The following CNTN5 variants were observed in gnomAD, a reference collection of about 807,000 sequenced individuals.
CNTN5 encodes contactin-5.
CNTN5 carries 77 observed loss-of-function variants against 129.1 expected under a neutral mutation model. The observed-to-expected ratio is 0.60, with a 90% CI of 0.50 to 0.72. The LOEUF (loss-of-function observed/expected upper bound fraction) is 0.72. CNTN5 is among the 30% of genes least tolerant of loss of function. The probability of loss-of-function intolerance (pLI) is 0.00; values close to 1 mark genes in which losing one functional copy is unlikely to be tolerated. For synonymous variants in CNTN5, 509 were observed against 465.6 expected (o/e 1.09, Z -1.20); for missense variants, 1,478 against 1,328.8 (o/e 1.11, Z -1.75).
At chr11:99,228,820 C>A (rs752177658) in intron 1 of CNTN5, among the ~76,000 whole-genome samples, 1 of 151,796 alleles carries the variant, frequency 6.6e-6, no homozygotes, top group East Asian at 1.9e-4. Flanking sequence ...TACATTAACT[C>A]TTTCTCACAT....
chr11:99,263,572 A>C (rs974205818), intron 1 of CNTN5, among the ~76,000 whole-genome samples: 1 of 152,164 alleles, frequency 6.6e-6, no homozygotes, highest in Non-Finnish European at 1.5e-5. Context: ...AGTTGGTTCA[A>C]AATTCTTGCT....
rs142310735 is a variant in CNTN5 at position 99,398,059 on chromosome 11, C to T, written c.-71+72575C>T. On this transcript the variant is annotated intron_variant, in intron 2 of 24. Coordinates refer to ENST00000524871, the MANE Select transcript of CNTN5 (RefSeq NM_014361.4). ...TATCACATTGATATTCTACAACCTC[C>T]CATTCCAACAGTGAGACACCTGGCT... is the stretch of plus-strand genomic sequence containing the variant. 1.4e-3 allele frequency among the ~76,000 whole-genome samples: 215 copies of T among 151,946 alleles called. 6 individuals carry two copies. In the East Asian group the frequency reaches 0.033, roughly 23 times the overall value.
chr11:100,078,341 T>C (rs1457305809), intron 13 of CNTN5, among the ~76,000 whole-genome samples: 1 of 152,170 alleles, frequency 6.6e-6, no homozygotes, highest in East Asian at 1.9e-4. Context: ...GCTGCCTGCT[T>C]ATATATTACC....
At chr11:99,063,563 T>C (rs1864976706) in intron 1 of CNTN5, among the ~76,000 whole-genome samples, 1 of 151,848 alleles carries the variant, frequency 6.6e-6, no homozygotes, top group African/African-American at 2.4e-5. Flanking sequence ...CGCATGAGCA[T>C]ATGTGTGCCT....
chr11:99,180,703 A>G (rs1445135512), intron 1 of CNTN5, among the ~76,000 whole-genome samples: 1 of 152,122 alleles, frequency 6.6e-6, no homozygotes. Flanking sequence ...TCCATCTGAT[A>G]CTCAATTGTA....
intron 9 of CNTN5, among the ~76,000 whole-genome samples, chr11:100,029,864 A>G (rs1941620762): frequency 6.6e-6 from 1 of 152,168 alleles, no homozygotes; most frequent in Non-Finnish European, 1.5e-5. Context: ...CAAAATAATG[A>G]CCAATACTGT....
intron 6 of CNTN5, among the ~76,000 whole-genome samples, chr11:99,911,149 T>G (rs1004339743): frequency 1.3e-5 from 2 of 152,074 alleles, no homozygotes; most frequent in Non-Finnish European, 2.9e-5. Flanking sequence ...TAATATAATT[T>G]GCCTTTTCAA....
intron 9 of CNTN5, among the ~76,000 whole-genome samples, chr11:100,029,532 G>A (rs1941597574): frequency 6.6e-6 from 1 of 152,036 alleles, no homozygotes; most frequent in Admixed American, 6.6e-5. Flanking sequence ...GCAGTGAGCC[G>A]AGATGGCGCC....
At chr11:99,736,329 A>C (rs1943709986) in intron 3 of CNTN5, among the ~76,000 whole-genome samples, 1 of 152,116 alleles carries the variant, frequency 6.6e-6, no homozygotes, top group African/African-American at 2.4e-5. Flanking sequence ...CAGGATCTGG[A>C]GCCTAGGAGC....
chr11:100,003,246 A>G (rs781520230), intron 9 of CNTN5, among the ~76,000 whole-genome samples: 1 of 152,210 alleles, frequency 6.6e-6, no homozygotes, highest in Non-Finnish European at 1.5e-5. Flanking sequence ...GATAGCCAGA[A>G]GTAGAAATAA....
At chr11:99,483,508 A>G (rs1591139712) in intron 2 of CNTN5, among the ~76,000 whole-genome samples, 1 of 152,210 alleles carries the variant, frequency 6.6e-6, no homozygotes, top group Middle Eastern at 3.4e-3. Flanking sequence ...GAGCCCACTC[A>G]CCCAACTCCG....
chr11:99,418,663 G>T (rs1036692350), intron 2 of CNTN5, among the ~76,000 whole-genome samples: 2 of 152,148 alleles, frequency 1.3e-5, no homozygotes. Flanking sequence ...TCATTAAAAA[G>T]ACTTGTTTGG....
chr11:100,264,894 G>GT (rs1950271955), intron 17 of CNTN5, among the ~76,000 whole-genome samples: 1 of 151,998 alleles, frequency 6.6e-6, no homozygotes, highest in Admixed American at 6.6e-5. Flanking sequence ...ACCAACATCT[G>GT]TTTTTTCTTG....
chr11:99,619,825 G>C (rs1010700117), intron 3 of CNTN5, among the ~76,000 whole-genome samples: 1 of 151,954 alleles, frequency 6.6e-6, no homozygotes, highest in Non-Finnish European at 1.5e-5. Flanking sequence ...AGGAGATCAA[G>C]ACCATCCTGG....
At chr11:99,298,341 G>A (rs1864475711) in intron 1 of CNTN5, among the ~76,000 whole-genome samples, 1 of 152,150 alleles carries the variant, frequency 6.6e-6, no homozygotes. Flanking sequence ...AATAGGAAGT[G>A]AGGTACAGAA....
chr11:99,964,815 T>C (rs1209165844), intron 8 of CNTN5, among the ~76,000 whole-genome samples: 1 of 152,220 alleles, frequency 6.6e-6, no homozygotes, highest in Non-Finnish European at 1.5e-5. Flanking sequence ...TGGTAAGCTA[T>C]TAATTATTGC....
chr11:99,638,348 A>G (rs1458489699), intron 3 of CNTN5, among the ~76,000 whole-genome samples: 1 of 152,082 alleles, frequency 6.6e-6, no homozygotes, highest in Non-Finnish European at 1.5e-5. Flanking sequence ...TCAAGTTGAG[A>G]TTTGAATGGG....
At position 99,914,569 on chromosome 11, in the gene CNTN5, A is replaced by G. The variant is rs1949740456; in HGVS notation, c.578-1485A>G. On this transcript the variant is annotated intron_variant, in intron 6 of 24. Coordinates refer to ENST00000524871, the MANE Select transcript of CNTN5 (RefSeq NM_014361.4). ...TTTGAAAATGACTGCCTTGATTTTT[A>G]CTGCTACTGAAGTTAGTGTATATAT... Among the ~76,000 whole-genome samples the G allele has an allele frequency of 2.0e-5, 3 of 152,118 alleles. No homozygotes were observed. In the South Asian group the frequency reaches 6.2e-4, roughly 31 times the overall value.
chr11:100,097,716 A>G (rs1232445468), intron 13 of CNTN5, among the ~76,000 whole-genome samples: 2 of 152,086 alleles, frequency 1.3e-5, no homozygotes, highest in East Asian at 3.9e-4. Context: ...TTGAGATAAA[A>G]GGTTCTTTAG....
Sources: allele counts gnomAD v4.1 joint callset (sites outside exome capture counted in the v4.1 genomes callset), GRCh38; gene constraint gnomAD v4.1.1; transcripts MANE v1.5; gene names NCBI Gene and HGNC (gene_info 2026-07-23, HGNC 2026-07-21).